The following AFF4 variants were observed in gnomAD, a reference collection of about 807,000 sequenced individuals.
The protein encoded by AFF4 is ALF transcription elongation factor 4, also known as AF4/FMR2 family member 4.
AFF4 carries 13 observed loss-of-function variants against 124.8 expected under a neutral mutation model. The ratio of observed to expected loss-of-function variants is 0.10; its 90% CI spans 0.07 to 0.17. AFF4 has a LOEUF of 0.17. Ranked by LOEUF, AFF4 falls within the 10% of genes least tolerant of loss-of-function variation. AFF4 has a pLI of 1.00. For synonymous variants in AFF4, 477 were observed against 496.1 expected (o/e 0.96, Z 0.51); for missense variants, 1,092 against 1,403.8 (o/e 0.78, Z 3.55).
At chr5:132,949,700 A>AAG in intron 1 of AFF4, among the ~76,000 whole-genome samples, 1 of 146,700 alleles carries the variant, frequency 6.8e-6, no homozygotes, top group Admixed American at 6.8e-5. Flanking sequence ...ACACACACAC[A>AAG]CGCGCGCGCG....
chr5:132,954,546 C>CTTTT lies in AFF4; in HGVS notation c.-5+8709_-5+8712dup, dbSNP rs1204231856. The stretch of plus-strand genomic sequence containing the variant: ...GAGGGTGTGTGTTACAAACAATGCT[C>CTTTT]TTTTTTTTTTTTTTTTTTTGAGACG... On this transcript the variant is annotated intron_variant, in intron 1 of 20. Transcript: ENST00000265343. Among the ~76,000 whole-genome samples the CTTTT allele has an allele frequency of 1.6e-4, 20 of 122,132 alleles. No individual in the cohort carries two copies. The East Asian group carries it at 2.4e-3, about 15-fold the overall frequency. The allele number at this position is 122,132 out of a possible 152,430, so 80.1% of individuals were successfully genotyped here. A position where few individuals can be genotyped will look rare whatever the true frequency, so the allele number is the denominator to read the frequency against.
intron 1 of AFF4, among the ~76,000 whole-genome samples, chr5:132,960,990 G>A (rs1170158458): frequency 6.6e-6 from 1 of 152,064 alleles, no homozygotes; most frequent in African/African-American, 2.4e-5. Context: ...TGGGGAGGCC[G>A]AGGCGTGTGG....
chr5:132,908,303 T>G (rs777445748), intron 5 of AFF4, among the ~76,000 whole-genome samples: 7 of 152,154 alleles, frequency 4.6e-5, no homozygotes, highest in Non-Finnish European at 1.0e-4. Flanking sequence ...CAACAAAACC[T>G]TTCTTACACA....
chr5:132,933,764 CA>C (rs1761354303), intron 3 of AFF4, among the ~76,000 whole-genome samples: 1 of 152,188 alleles, frequency 6.6e-6, no homozygotes, highest in African/African-American at 2.4e-5. Context: ...CCATCACCTG[CA>C]TCTCATTCAT....
intron 5 of AFF4, among the ~76,000 whole-genome samples, chr5:132,917,705 C>CTTTTCTTTT (rs1760944246): frequency 2.7e-5 from 2 of 74,040 alleles, no homozygotes; most frequent in Non-Finnish European, 2.5e-5. Flanking sequence ...CTTTTCTTTT[C>CTTTTCTTTT]TTTTTTTTTT....
In AFF4 at chr5:132,902,491, G is replaced by A. The variant is rs1215790099; in HGVS notation, c.1088-4C>T. 6.2e-7 allele frequency: 1 copy of A among 1,605,070 alleles called. No individual in the cohort carries two copies. Among genetic ancestry groups the A allele is most frequent in the South Asian group, 1.1e-5 (1 of 90,834 alleles). ...GTTTTAGAAGGATTATATCTTTCTG[G>A]AACAAAAAGAATGAAGTGAGCAACT... On this transcript the variant is annotated splice_region_variant and splice_polypyrimidine_tract_variant and intron_variant, in intron 6 of 20. Coordinates refer to ENST00000265343, the MANE Select transcript of AFF4 (RefSeq NM_014423.4).
chr5:132,961,587 A>C (rs1762083564), intron 1 of AFF4, among the ~76,000 whole-genome samples: 2 of 152,202 alleles, frequency 1.3e-5, no homozygotes, highest in Non-Finnish European at 2.9e-5. Flanking sequence ...GAATGTATCA[A>C]CCTGAATGTG....
intron 1 of AFF4, among the ~76,000 whole-genome samples, chr5:132,944,260 C>A (rs1265966650): frequency 6.6e-6 from 1 of 151,778 alleles, no homozygotes. Flanking sequence ...TGGCGTGAAC[C>A]CAGGAGGCGG....
chr5:132,930,129 G>A (rs923996972), intron 4 of AFF4, among the ~76,000 whole-genome samples: 1 of 152,136 alleles, frequency 6.6e-6, no homozygotes, highest in Non-Finnish European at 1.5e-5. Flanking sequence ...AAGAGGCAAA[G>A]AGAAATAAAT....
At chr5:132,929,866 G>A (rs1761261161) in intron 4 of AFF4, among the ~76,000 whole-genome samples, 1 of 152,162 alleles carries the variant, frequency 6.6e-6, no homozygotes, top group South Asian at 2.1e-4. Flanking sequence ...ATATGAGTAG[G>A]GAGATTCTGG....
At chr5:132,922,219 A>G (rs1308369389) in intron 5 of AFF4, among the ~76,000 whole-genome samples, 3 of 152,152 alleles carry the variant, frequency 2.0e-5, no homozygotes, top group Non-Finnish European at 4.4e-5. Flanking sequence ...GGAGTTCAAG[A>G]GCAGCCTGAG....
intron 6 of AFF4, 144 bp from the exon 7 acceptor site, chr5:132,902,631 A>G (rs941600559): frequency 3.0e-6 from 2 of 656,674 alleles, no homozygotes; most frequent in Admixed American, 2.6e-5. Context: ...TTCAAGCCCA[A>G]TAATATGAGA....
At chr5:132,943,713 T>C (rs1465192869) in intron 1 of AFF4, 6 of 276,512 alleles carry the variant, frequency 2.2e-5, no homozygotes, top group Non-Finnish European at 4.4e-5. Flanking sequence ...AAAATGTTCA[T>C]CATGGCAATG....
At chr5:132,916,030 G>A (rs1760900585) in intron 5 of AFF4, among the ~76,000 whole-genome samples, 4 of 151,804 alleles carry the variant, frequency 2.6e-5, no homozygotes, top group African/African-American at 7.3e-5. Flanking sequence ...TGAGGCAGGT[G>A]GATCACGAGT....
chr5:132,933,897 C>T (rs1761358624), intron 3 of AFF4, among the ~76,000 whole-genome samples: 1 of 152,206 alleles, frequency 6.6e-6, no homozygotes, highest in Admixed American at 6.5e-5. Context: ...TATTCTATAA[C>T]TGACTTGTCA....
At chr5:132,912,883 A>G (rs56353702) in intron 5 of AFF4, among the ~76,000 whole-genome samples, 17,243 of 151,442 alleles carry the variant, frequency 0.11, 1,235 homozygotes, top group South Asian at 0.18. Context: ...ACACACACAC[A>G]AAAGGGCTGA....
At chr5:132,957,097 C>A (rs912691530) in intron 1 of AFF4, among the ~76,000 whole-genome samples, 1 of 144,990 alleles carries the variant, frequency 6.9e-6, no homozygotes, top group African/African-American at 2.6e-5. Context: ...TCTCAGCACA[C>A]TGAGTGGCTG....
chr5:132,892,918 A>T, intron 12 of AFF4, 112 bp downstream of exon 12: 2 of 998,622 alleles, frequency 2.0e-6, no homozygotes, highest in Non-Finnish European at 3.1e-6. Context: ...GTATGCATTT[A>T]TATAACACTT....
intron 13 of AFF4, 132 bp from the exon 14 acceptor site, chr5:132,889,305 A>T: frequency 1.7e-6 from 1 of 605,390 alleles, no homozygotes; most frequent in Non-Finnish European, 2.9e-6. Flanking sequence ...CCTTGTTACA[A>T]AACTTTTATA....
Sources: allele counts gnomAD v4.1 joint callset (sites outside exome capture counted in the v4.1 genomes callset), GRCh38; gene constraint gnomAD v4.1.1; transcripts MANE v1.5; gene names NCBI Gene and HGNC (gene_info 2026-07-23, HGNC 2026-07-21).